The following ELAPOR2 variants were observed in gnomAD, a reference collection of about 807,000 sequenced individuals.
ELAPOR2 encodes the protein endosome-lysosome associated apoptosis and autophagy regulator family member 2, also known as endosome/lysosome-associated apoptosis and autophagy regulator family member 2.
Under a neutral mutation model 120.7 loss-of-function variants are expected in ELAPOR2, and 89 were observed. The ratio of observed to expected loss-of-function variants is 0.74; its 90% CI spans 0.62 to 0.88. The LOEUF is 0.88. Among genes scored for constraint, ELAPOR2 ranks in the 40% least tolerant of loss-of-function variants. The pLI is 0.00. For synonymous variants in ELAPOR2, 444 were observed against 444.9 expected, an observed-to-expected ratio of 1.00 and a Z score of 0.03; for missense variants, 1,134 against 1,251.6, an observed-to-expected ratio of 0.91 and a Z score of 1.42.
At chr7:86,995,666 T>C (rs908072441) in intron 1 of ELAPOR2, among the ~76,000 whole-genome samples, 1 of 152,146 alleles carries the variant, frequency 6.6e-6, no homozygotes, top group Non-Finnish European at 1.5e-5. Flanking sequence ...ACCCTAGTGA[T>C]CTGGAAATGG....
intron 1 of ELAPOR2, among the ~76,000 whole-genome samples, chr7:87,058,967 T>C (rs1795348580): frequency 6.6e-6 from 1 of 151,844 alleles, no homozygotes; most frequent in African/African-American, 2.4e-5. Context: ...TGTGATGAGA[T>C]GGTTCTTCAA....
At chr7:86,975,170 C>A (rs1312247813) in intron 1 of ELAPOR2, among the ~76,000 whole-genome samples, 1 of 152,138 alleles carries the variant, frequency 6.6e-6, no homozygotes. Context: ...CATCTGAATT[C>A]AGCTAAGCCG....
chr7:87,052,971 AT>A, intron 1 of ELAPOR2, among the ~76,000 whole-genome samples: 1 of 151,504 alleles, frequency 6.6e-6, no homozygotes, highest in Middle Eastern at 3.4e-3. Flanking sequence ...TGATTTTTTT[AT>A]TTTTTTGTAG....
intron 20 of ELAPOR2, 97 bp from the exon 21 acceptor site, chr7:86,891,986 G>T: frequency 2.5e-6 from 2 of 784,372 alleles, no homozygotes; most frequent in South Asian, 2.3e-5. Context: ...TCATTAAATT[G>T]ACTTGGAGTA....
At chr7:86,949,057 C>T (rs1791122915) in intron 2 of ELAPOR2, among the ~76,000 whole-genome samples, 2 of 152,222 alleles carry the variant, frequency 1.3e-5, no homozygotes, top group African/African-American at 4.8e-5. Flanking sequence ...CTAAAATCCA[C>T]ACACATCTAC....
Position 86,914,733 on chromosome 7 carries a change from T to C in ELAPOR2, c.1721A>G (p.Gln574Arg). The C allele has an allele frequency of 7.5e-6, 12 of 1,607,898 alleles. No homozygotes were observed. Among genetic ancestry groups the C allele is most frequent in the African/African-American group, 1.3e-5 (1 of 74,758 alleles). ...GTGCTTGGAACTTACATCTTGACCC[T>C]GATTAGTTCTCTGGAATGCCCATGT... ...TFTWAFQRTN[Q>R]GQDNRRFIND... The change falls in exon 13 of 22, where the codon CAG becomes CGG. Residue 574 changes from glutamine to arginine, a missense_variant. Physicochemically the swap from Gln to Arg is conservative, Grantham distance 43. Transcript: ENST00000450689.
At chr7:86,953,228 T>C (rs1791340032) in intron 2 of ELAPOR2, among the ~76,000 whole-genome samples, 1 of 152,098 alleles carries the variant, frequency 6.6e-6, no homozygotes, top group Non-Finnish European at 1.5e-5. Flanking sequence ...TGAATAAGTA[T>C]AGGGCCTTTA....
intron 1 of ELAPOR2, among the ~76,000 whole-genome samples, chr7:86,987,372 T>G (rs1461741028): frequency 6.6e-6 from 1 of 152,158 alleles, no homozygotes; most frequent in Admixed American, 6.5e-5. Context: ...AAAGAGCTTC[T>G]GCACAGCAAA....
intron 4 of ELAPOR2, among the ~76,000 whole-genome samples, chr7:86,944,309 T>C (rs879879899): frequency 2.0e-5 from 3 of 152,100 alleles, no homozygotes; most frequent in Non-Finnish European, 4.4e-5. Context: ...GATTACTTTA[T>C]CTTATCTTCC....
intron 1 of ELAPOR2, among the ~76,000 whole-genome samples, chr7:87,047,194 G>T (rs1052174201): frequency 6.6e-6 from 1 of 152,126 alleles, no homozygotes; most frequent in Non-Finnish European, 1.5e-5. Context: ...AATCAAAATG[G>T]ATTAAAACTT....
chr7:87,024,430 G>A (rs1794173415), intron 1 of ELAPOR2, among the ~76,000 whole-genome samples: 1 of 152,110 alleles, frequency 6.6e-6, no homozygotes, highest in Non-Finnish European at 1.5e-5. Context: ...GATCATGGTG[G>A]ATAAGCTTTT....
At chr7:86,880,673 G>C in intron 21 of ELAPOR2, 143 bp from the exon 22 acceptor site, 1 of 614,872 alleles carries the variant, frequency 1.6e-6, no homozygotes, top group South Asian at 2.0e-5. Flanking sequence ...AGTTAAAATT[G>C]GGTGGCAGAT....
intron 1 of ELAPOR2, among the ~76,000 whole-genome samples, chr7:87,046,947 C>G (rs1479609236): frequency 1.3e-5 from 2 of 152,098 alleles, no homozygotes; most frequent in African/African-American, 2.4e-5. Context: ...TACTACAAAG[C>G]TATAGTAACC....
chr7:87,005,420 C>T (rs1240480990), intron 1 of ELAPOR2, among the ~76,000 whole-genome samples: 10 of 152,124 alleles, frequency 6.6e-5, no homozygotes, highest in Non-Finnish European at 1.3e-4. Flanking sequence ...GCTAGATCCA[C>T]ACATGACATA....
chr7:86,947,650 ATCT>A (rs1394182723), intron 3 of ELAPOR2, 74 bp downstream of exon 3: 19 of 1,263,436 alleles, frequency 1.5e-5, no homozygotes, highest in South Asian at 7.3e-5. Flanking sequence ...GATTATCCTC[ATCT>A]TCTTTCTGGA....
At chr7:87,034,290 A>G (rs1379365134) in intron 1 of ELAPOR2, among the ~76,000 whole-genome samples, 1 of 152,132 alleles carries the variant, frequency 6.6e-6, no homozygotes, top group Admixed American at 6.6e-5. Context: ...AGAGTTAGGG[A>G]GATGAGTGAG....
At position 87,007,227 on chromosome 7, in the gene ELAPOR2, C is replaced by T. The variant is rs150300917; in HGVS notation, c.190-42203G>A. ...CAAAAAAGTAAACAAATACAGAACC[C>T]TAGTTAGTAGGTTTGCTTTCTGCAG... On this transcript the variant is annotated intron_variant, in intron 1 of 21. Coordinates refer to ENST00000450689, the MANE Select transcript of ELAPOR2 (RefSeq NM_001142749.3). Among the ~76,000 whole-genome samples, 752 of 152,236 alleles carry T rather than the reference C, an allele frequency of 4.9e-3. 6 individuals carry two copies. The highest frequency in any genetic ancestry group is 8.3e-3 in the Non-Finnish European group (566 of 68,018).
intron 7 of ELAPOR2, among the ~76,000 whole-genome samples, chr7:86,938,532 A>G (rs1165877696): frequency 6.6e-6 from 1 of 152,096 alleles, no homozygotes; most frequent in Non-Finnish European, 1.5e-5. Flanking sequence ...CCAACAAATC[A>G]TGTAAAAGTA....
rs1369037099 is a variant in ELAPOR2, at chr7:86,926,795, T to C, written c.1211A>G (p.Asn404Ser). ...DCPPCNPGFY[N>S]NGSSSCHPCP... ...GGGATGGCAAGAAGATGATCCATTGTTATAAAATCCAGGGTTGCAAGGCGG... is the reference window on the plus strand; with the variant it reads ...GGGATGGCAAGAAGATGATCCATTGCTATAAAATCCAGGGTTGCAAGGCGG... Residue 404 changes from asparagine (N) to serine (S), a missense_variant, in exon 9 of 22, where the codon AAC becomes AGC. Asn to Ser is a conservative substitution (Grantham distance 46). Transcript: ENST00000450689. The C allele has an allele frequency of 3.1e-6, 5 of 1,611,992 alleles. No individual in the cohort carries two copies. Among genetic ancestry groups the C allele is most frequent in the Non-Finnish European group, 1.7e-6 (2 of 1,178,958 alleles).
Sources: gnomAD v4.1 joint callset for allele counts (sites outside exome capture counted in the v4.1 genomes callset) on GRCh38, gnomAD v4.1.1 for gene constraint, MANE v1.5 for transcripts, NCBI Gene and HGNC (gene_info 2026-07-23, HGNC 2026-07-21) for gene names.